Variants in LMNB1 observed in about 807,000 individuals in gnomAD.
The protein encoded by LMNB1 is lamin B1, also known as lamin-B1.
Under a neutral mutation model 67.1 loss-of-function variants are expected in LMNB1, and 23 were observed. The ratio of observed to expected loss-of-function variants is 0.34; its 90% CI spans 0.25 to 0.49. The LOEUF (loss-of-function observed/expected upper bound fraction) is 0.49, where lower values mean the gene tolerates loss of function less well. Ranked by LOEUF, LMNB1 falls within the 20% of genes least tolerant of loss-of-function variation. The pLI is 0.99. For synonymous variants in LMNB1, 281 were observed against 282.9 expected (o/e 0.99, Z 0.07); for missense variants, 634 against 746.5 (o/e 0.85, Z 1.76).
At chr5:126,796,437 A>G (rs1751094718) in intron 1 of LMNB1, among the ~76,000 whole-genome samples, 1 of 152,202 alleles carries the variant, frequency 6.6e-6, no homozygotes, top group Admixed American at 6.5e-5. Context: ...AGAACCAAGT[A>G]GTTCAATGCA....
chr5:126,825,174 G>A lies in LMNB1; in HGVS notation c.1492-814G>A, dbSNP rs534867863. Among the ~76,000 whole-genome samples the A allele has an allele frequency of 7.2e-5, 11 of 152,324 alleles. No homozygotes were observed. In the South Asian group the frequency reaches 1.9e-3, roughly 26 times the overall value. Reference sequence around the variant, plus strand: ...TAAAGGCATTGAGTTTCCTAGAGGTGTAGTGATTTGTCCAGAATTCAAACC... The same window carrying A: ...TAAAGGCATTGAGTTTCCTAGAGGTATAGTGATTTGTCCAGAATTCAAACC... On this transcript the variant is annotated intron_variant, in intron 8 of 10. Coordinates refer to ENST00000261366, the MANE Select transcript of LMNB1 (RefSeq NM_005573.4).
chr5:126,802,537 G>A (rs1277313719), intron 1 of LMNB1, among the ~76,000 whole-genome samples: 4 of 152,076 alleles, frequency 2.6e-5, no homozygotes, highest in Non-Finnish European at 4.4e-5. Context: ...TCTACCTCCC[G>A]GGTTCAGGCA....
intron 2 of LMNB1, 93 bp from the exon 3 acceptor site, chr5:126,805,478 A>T: frequency 1.2e-6 from 1 of 835,258 alleles, no homozygotes. Flanking sequence ...TAGGAATTTT[A>T]ACACTTGATT....
chr5:126,791,918 G>C (rs145406373), intron 1 of LMNB1, among the ~76,000 whole-genome samples: 6,622 of 151,884 alleles, frequency 0.044, 168 homozygotes, highest in Middle Eastern at 0.065. Context: ...AAGCAGCTGG[G>C]ATTACAGGTG....
chr5:126,796,972 A>G (rs1298290491), intron 1 of LMNB1, among the ~76,000 whole-genome samples: 1 of 152,028 alleles, frequency 6.6e-6, no homozygotes, highest in Non-Finnish European at 1.5e-5. Flanking sequence ...TATTTTTAGC[A>G]GAGATGGGGT....
intron 1 of LMNB1, among the ~76,000 whole-genome samples, chr5:126,799,710 G>T (rs1182538010): frequency 6.6e-6 from 1 of 152,166 alleles, no homozygotes; most frequent in Non-Finnish European, 1.5e-5. Flanking sequence ...GCTGGATTAG[G>T]TAAATATGTC....
intron 3 of LMNB1, 120 bp downstream of exon 3, chr5:126,805,816 A>G (rs1751403269): frequency 1.3e-6 from 1 of 775,420 alleles, no homozygotes; most frequent in Non-Finnish European, 1.9e-6. Flanking sequence ...ATATCAGATA[A>G]AGAAATAATA....
At chr5:126,816,617 A>G (rs1751712849) in intron 5 of LMNB1, among the ~76,000 whole-genome samples, 1 of 152,126 alleles carries the variant, frequency 6.6e-6, no homozygotes, top group Non-Finnish European at 1.5e-5. Context: ...TTCTTCTGTT[A>G]TCTTCTTTCT....
intron 1 of LMNB1, among the ~76,000 whole-genome samples, chr5:126,786,487 A>G (rs546696728): frequency 6.6e-6 from 1 of 152,336 alleles, no homozygotes; most frequent in East Asian, 1.9e-4. Flanking sequence ...AGAGAGTTTA[A>G]GTATTTTGCC....
intron 7 of LMNB1, among the ~76,000 whole-genome samples, chr5:126,821,941 G>A (rs1043040063): frequency 6.6e-6 from 1 of 151,898 alleles, no homozygotes; most frequent in African/African-American, 2.4e-5. Context: ...TAATTTGGAT[G>A]AGTGAAGGAG....
intron 1 of LMNB1, among the ~76,000 whole-genome samples, chr5:126,778,882 G>T (rs139506740): frequency 6.6e-6 from 1 of 152,186 alleles, no homozygotes; most frequent in African/African-American, 2.4e-5. Context: ...AAGCGAGTGC[G>T]AGTTTTCATT....
intron 1 of LMNB1, among the ~76,000 whole-genome samples, chr5:126,802,902 A>C (rs1751321287): frequency 6.6e-6 from 1 of 152,150 alleles, no homozygotes; most frequent in Non-Finnish European, 1.5e-5. Context: ...GGTTATTTAG[A>C]GGCCGGGTGC....
chr5:126,780,977 C>T (rs1389908994), intron 1 of LMNB1, among the ~76,000 whole-genome samples: 1 of 151,954 alleles, frequency 6.6e-6, no homozygotes, highest in African/African-American at 2.4e-5. Context: ...AGGCTGTGTA[C>T]TGATGTCCTG....
chr5:126,814,175 G>A (rs1268403741), intron 5 of LMNB1, among the ~76,000 whole-genome samples: 5 of 152,174 alleles, frequency 3.3e-5, no homozygotes, highest in South Asian at 2.1e-4. Context: ...GATTATAGGC[G>A]TGAGCCACTG....
chr5:126,812,186 C>T (rs540017318), intron 5 of LMNB1, among the ~76,000 whole-genome samples: 7 of 152,306 alleles, frequency 4.6e-5, no homozygotes, highest in South Asian at 4.1e-4. Flanking sequence ...CCCTAGGACC[C>T]GGATCTTCCG....
chr5:126,783,439 C>G (rs1439301163), intron 1 of LMNB1, among the ~76,000 whole-genome samples: 1 of 151,648 alleles, frequency 6.6e-6, no homozygotes, highest in East Asian at 1.9e-4. Context: ...TTTCATAGTT[C>G]TTTTATAACA....
At chr5:126,793,276 C>G (rs11241910) in intron 1 of LMNB1, among the ~76,000 whole-genome samples, 31,156 of 151,754 alleles carry the variant, frequency 0.21, 3,306 homozygotes, top group East Asian at 0.3. Flanking sequence ...AAGACTTAAT[C>G]TGTACGAGTC....
rs146059593 is a variant in LMNB1 at position 126,803,957 on chromosome 5, G to T, written c.360-819G>T. On this transcript the variant is annotated intron_variant, in intron 1 of 10. Transcript: ENST00000261366. Reference sequence around the variant, plus strand: ...TTACCTCTATGTAACAAAATGGGAGGTACTTGCAAGCTTGGGGTCAATTAG... The same window carrying T: ...TTACCTCTATGTAACAAAATGGGAGTTACTTGCAAGCTTGGGGTCAATTAG... Among the ~76,000 whole-genome samples, 490 of 152,266 alleles carry T rather than the reference G, an allele frequency of 3.2e-3. 4 individuals are homozygous for T. The highest frequency in any genetic ancestry group is 0.011 in the African/African-American group (475 of 41,544).
intron 10 of LMNB1, among the ~76,000 whole-genome samples, chr5:126,833,871 G>A (rs971539466): frequency 6.6e-6 from 1 of 152,202 alleles, no homozygotes; most frequent in Non-Finnish European, 1.5e-5. Flanking sequence ...GTGATTATTT[G>A]GTTATTGGAG....
Sources: allele counts gnomAD v4.1 joint callset (sites outside exome capture counted in the v4.1 genomes callset), GRCh38; gene constraint gnomAD v4.1.1; transcripts MANE v1.5; gene names NCBI Gene and HGNC (gene_info 2026-07-23, HGNC 2026-07-21).